Variants in RBMS3 observed in about 807,000 individuals in gnomAD.
RBMS3 encodes RNA binding motif single stranded interacting protein 3.
Under a neutral mutation model 66.8 loss-of-function variants are expected in RBMS3, and 27 were observed. That is an observed-to-expected ratio of 0.40 (90% CI 0.30 to 0.56). The LOEUF (loss-of-function observed/expected upper bound fraction) is 0.56. RBMS3 is among the 20% of genes least tolerant of loss of function. RBMS3 has a pLI of 0.40. For synonymous variants in RBMS3, 188 were observed against 183.0 expected, an observed-to-expected ratio of 1.03 and a Z score of -0.22; for missense variants, 513 against 549.5, an observed-to-expected ratio of 0.93 and a Z score of 0.66.
At chr3:29,996,759 T>A (rs1252946914) in intron 14 of RBMS3, among the ~76,000 whole-genome samples, 1 of 152,110 alleles carries the variant, frequency 6.6e-6, no homozygotes, top group Non-Finnish European at 1.5e-5. Context: ...CTGGGACACA[T>A]TCAAAGCAGT....
chr3:29,610,838 C>T (rs1243611583), intron 4 of RBMS3, among the ~76,000 whole-genome samples: 4 of 151,990 alleles, frequency 2.6e-5, no homozygotes, highest in African/African-American at 7.2e-5. Context: ...TATAATTTTA[C>T]ACATATATTT....
At chr3:29,963,966 A>T (rs115388404) in intron 12 of RBMS3, among the ~76,000 whole-genome samples, 9 of 152,202 alleles carry the variant, frequency 5.9e-5, no homozygotes, top group African/African-American at 2.2e-4. Flanking sequence ...GGCTTATTTC[A>T]TCATATTTCA....
At chr3:29,489,787 A>G (rs972391214) in intron 3 of RBMS3, among the ~76,000 whole-genome samples, 1 of 150,490 alleles carries the variant, frequency 6.6e-6, no homozygotes, top group Admixed American at 6.6e-5. Flanking sequence ...GCTCACGCCT[A>G]TAATCCCAGC....
rs1038083470 is a variant in RBMS3, at chr3:29,964,139, A to G, written c.1098+19885A>G. Among the ~76,000 whole-genome samples the G allele has an allele frequency of 7.2e-5, 11 of 152,332 alleles. No individual in the cohort carries two copies. The South Asian group carries it at 2.1e-3, about 29-fold the overall frequency. On this transcript the variant is annotated intron_variant, in intron 12 of 14. Transcript: ENST00000383767. ...AAACCCAGTTATATCAGATCTTCCT[A>G]TACTTTGTTGTCATTTTTGATATTT...
At chr3:29,535,993 C>T (rs899586806) in intron 3 of RBMS3, among the ~76,000 whole-genome samples, 1 of 151,952 alleles carries the variant, frequency 6.6e-6, no homozygotes, top group African/African-American at 2.4e-5. Flanking sequence ...CTTTAAATTT[C>T]GTCTGAAGTT....
intron 1 of RBMS3, among the ~76,000 whole-genome samples, chr3:29,401,257 A>G (rs2039798679): frequency 6.6e-6 from 1 of 152,122 alleles, no homozygotes. Context: ...GCTCACATTA[A>G]TATTATTTAA....
At chr3:29,574,386 G>A (rs1223847683) in intron 3 of RBMS3, among the ~76,000 whole-genome samples, 1 of 151,654 alleles carries the variant, frequency 6.6e-6, no homozygotes, top group African/African-American at 2.4e-5. Flanking sequence ...TACACCTGCT[G>A]TTTTTTGGTT....
intron 2 of RBMS3, among the ~76,000 whole-genome samples, chr3:29,435,272 T>C (rs911637243): frequency 1.3e-5 from 2 of 152,152 alleles, no homozygotes; most frequent in African/African-American, 4.8e-5. Flanking sequence ...GAAGTATTAG[T>C]GAAAGGAATC....
intron 1 of RBMS3, among the ~76,000 whole-genome samples, chr3:29,424,675 A>G (rs1404513666): frequency 6.6e-6 from 1 of 152,208 alleles, no homozygotes; most frequent in Non-Finnish European, 1.5e-5. Context: ...TTGGTGTATC[A>G]AAAAAACCTG....
intron 4 of RBMS3, among the ~76,000 whole-genome samples, chr3:29,736,734 T>A (rs2054395693): frequency 6.6e-6 from 1 of 152,160 alleles, no homozygotes. Context: ...ATAAGAAAGT[T>A]GTTCATTTCT....
chr3:29,387,092 G>A (rs1246598644), intron 1 of RBMS3, among the ~76,000 whole-genome samples: 1 of 152,026 alleles, frequency 6.6e-6, no homozygotes, highest in African/African-American at 2.4e-5. Flanking sequence ...CTTAGTCCTT[G>A]GATCTCTGGA....
intron 1 of RBMS3, among the ~76,000 whole-genome samples, chr3:29,323,614 C>T (rs1198606785): frequency 6.6e-6 from 1 of 151,530 alleles, no homozygotes; most frequent in African/African-American, 2.4e-5. Flanking sequence ...GTCTGTGGTG[C>T]TCTTGACACC....
At chr3:29,580,130 A>G (rs749366335) in intron 3 of RBMS3, among the ~76,000 whole-genome samples, 1 of 152,134 alleles carries the variant, frequency 6.6e-6, no homozygotes, top group African/African-American at 2.4e-5. Flanking sequence ...TGTCTTTGTA[A>G]TTGTTTTATT....
chr3:29,564,496 A>T (rs2149054821), intron 3 of RBMS3, among the ~76,000 whole-genome samples: 1 of 152,092 alleles, frequency 6.6e-6, no homozygotes, highest in South Asian at 2.1e-4. Context: ...AAAAAAAAAA[A>T]AAAAAAATTT....
chr3:29,695,118 T>C (rs1363620585), intron 4 of RBMS3, among the ~76,000 whole-genome samples: 1 of 152,182 alleles, frequency 6.6e-6, no homozygotes, highest in Non-Finnish European at 1.5e-5. Flanking sequence ...TCCAAGTCCC[T>C]TTGGAGTTTT....
At chr3:29,920,300 A>G (rs900140273) in intron 10 of RBMS3, among the ~76,000 whole-genome samples, 4 of 152,218 alleles carry the variant, frequency 2.6e-5, no homozygotes, top group Non-Finnish European at 5.9e-5. Context: ...AAAAACTGGG[A>G]AGTTCATTTA....
chr3:29,919,215 G>T (rs1243788313), intron 10 of RBMS3, among the ~76,000 whole-genome samples: 2 of 152,000 alleles, frequency 1.3e-5, no homozygotes, highest in Middle Eastern at 3.2e-3. Flanking sequence ...GAGCTTTACT[G>T]ACCAGCTACT....
At chr3:29,461,794 C>T (rs1179111219) in intron 2 of RBMS3, among the ~76,000 whole-genome samples, 4 of 151,830 alleles carry the variant, frequency 2.6e-5, no homozygotes, top group African/African-American at 9.7e-5. Flanking sequence ...CACTCTGTCA[C>T]CTAGGCTGGA....
In RBMS3 at chr3:29,950,896, T is replaced by C. The variant is rs1167169536; in HGVS notation, c.1098+6642T>C. ...CTTGAGTTCAGTGTCTCAGCAAGTA[T>C]CTCTCTCCAGATGAATGAATATACT... On this transcript the variant is annotated intron_variant, in intron 12 of 14. Coordinates refer to ENST00000383767, the MANE Select transcript of RBMS3 (RefSeq NM_001003793.3). Among the ~76,000 whole-genome samples, 3 of 151,858 alleles carry C rather than the reference T, an allele frequency of 2.0e-5. No individual in the cohort carries two copies. In the East Asian group the frequency reaches 5.8e-4, roughly 29 times the overall value.
Sources: gnomAD v4.1 joint callset for allele counts (sites outside exome capture counted in the v4.1 genomes callset) on GRCh38, gnomAD v4.1.1 for gene constraint, MANE v1.5 for transcripts, NCBI Gene and HGNC (gene_info 2026-07-23, HGNC 2026-07-21) for gene names.